The following NIM1K variants were observed in gnomAD, a reference collection of about 807,000 sequenced individuals.
The protein encoded by NIM1K is NIM1 serine/threonine protein kinase, also known as serine/threonine-protein kinase NIM1.
A neutral mutation model predicts 37.1 loss-of-function variants in NIM1K; 35 were observed. The ratio of observed to expected loss-of-function variants is 0.94; its 90% CI spans 0.72 to 1.25. The LOEUF is 1.25. Ranked by LOEUF, NIM1K falls within the 50% of genes most tolerant of loss-of-function variation. The pLI is 0.00. For missense variants in NIM1K, 564 were observed against 548.0 expected (o/e 1.03, Z -0.29); for synonymous variants, 234 against 206.6 (o/e 1.13, Z -1.14).
chr5:43,244,117 G>A (rs185634744), intron 1 of NIM1K, among the ~76,000 whole-genome samples: 129 of 152,212 alleles, frequency 8.5e-4, no homozygotes, highest in African/African-American at 3.0e-3. Flanking sequence ...TATAAGCTTA[G>A]GAAGCCTTAT....
intron 1 of NIM1K, chr5:43,207,291 G>A: frequency 1.3e-6 from 1 of 761,054 alleles, no homozygotes; most frequent in South Asian, 1.3e-5. Context: ...GAGAGAGATG[G>A]GGGCATATTG....
At chr5:43,198,364 C>G (rs575147067) in intron 1 of NIM1K, among the ~76,000 whole-genome samples, 11 of 149,328 alleles carry the variant, frequency 7.4e-5, no homozygotes, top group Non-Finnish European at 1.3e-4. Context: ...GTCTTGCTCT[C>G]TCTCTCTCCC....
At chr5:43,209,072 T>A (rs1356263135) in intron 1 of NIM1K, among the ~76,000 whole-genome samples, 1 of 152,206 alleles carries the variant, frequency 6.6e-6, no homozygotes. Flanking sequence ...TAAATTCTGC[T>A]GGAAGCGACT....
At chr5:43,271,869 C>A (rs189943783) in intron 2 of NIM1K, among the ~76,000 whole-genome samples, 1 of 152,298 alleles carries the variant, frequency 6.6e-6, no homozygotes, top group Admixed American at 6.5e-5. Flanking sequence ...CTAATCCGTT[C>A]TCCATTTCTA....
Position 43,268,388 on chromosome 5 carries a change from G to A in NIM1K, c.293-8669G>A, listed in dbSNP as rs377151153. Among the ~76,000 whole-genome samples, 51 of 152,224 alleles carry A rather than the reference G, an allele frequency of 3.4e-4. No homozygotes were observed. The South Asian group carries it at 0.011, about 32-fold the overall frequency. Reference sequence around the variant, plus strand: ...AGGGGTTTTTCAAAGGCAGTTTTGGGGAAGGGATTGGGCTGACCAGACCAG... The same window carrying A: ...AGGGGTTTTTCAAAGGCAGTTTTGGAGAAGGGATTGGGCTGACCAGACCAG... On this transcript the variant is annotated intron_variant, in intron 2 of 3. Coordinates refer to ENST00000326035, the MANE Select transcript of NIM1K (RefSeq NM_153361.4).
chr5:43,214,264 A>C lies in NIM1K; in HGVS notation c.-695+21853A>C, dbSNP rs73751055. ...GATATATGCATATTTTTAGCCCTTA[A>C]ACCAAGAAAATCTCTGTTGTAATTA... On this transcript the variant is annotated intron_variant, in intron 1 of 3. Transcript: ENST00000326035. Among the ~76,000 whole-genome samples the C allele has an allele frequency of 2.9e-3, 444 of 152,168 alleles. 4 individuals are homozygous for C. Among genetic ancestry groups the C allele is most frequent in the African/African-American group, 0.01 (427 of 41,526 alleles).
At chr5:43,262,011 G>A (rs1031607188) in intron 2 of NIM1K, among the ~76,000 whole-genome samples, 1 of 152,138 alleles carries the variant, frequency 6.6e-6, no homozygotes, top group African/African-American at 2.4e-5. Flanking sequence ...GGTTACTGTA[G>A]CCTTGTAGTA....
At chr5:43,229,930 C>T (rs575296944) in intron 1 of NIM1K, among the ~76,000 whole-genome samples, 2 of 151,588 alleles carry the variant, frequency 1.3e-5, no homozygotes, top group African/African-American at 4.9e-5. Context: ...CCAAGCCCAG[C>T]CTAATTTTAG....
chr5:43,250,104 G>A (rs928172142), intron 2 of NIM1K, among the ~76,000 whole-genome samples: 3 of 151,724 alleles, frequency 2.0e-5, no homozygotes, highest in Non-Finnish European at 2.9e-5. Context: ...TGCCCGCCTC[G>A]GCCTCCCAAA....
chr5:43,270,730 G>C (rs1753243541), intron 2 of NIM1K, among the ~76,000 whole-genome samples: 1 of 152,190 alleles, frequency 6.6e-6, no homozygotes, highest in South Asian at 2.1e-4. Context: ...AGAGTAGTGG[G>C]AAGCTGGATT....
chr5:43,197,365 G>T (rs1241201008), intron 1 of NIM1K, among the ~76,000 whole-genome samples: 1 of 146,116 alleles, frequency 6.8e-6, no homozygotes, highest in East Asian at 2.1e-4. Flanking sequence ...GGCTGGTCTT[G>T]AACTCCTGGC....
intron 2 of NIM1K, among the ~76,000 whole-genome samples, chr5:43,267,850 A>T (rs11749650): frequency 0.24 from 36,846 of 152,142 alleles, 5,081 homozygotes; most frequent in Middle Eastern, 0.43. Flanking sequence ...AATTATTGAT[A>T]CTTGTTTTGT....
intron 1 of NIM1K, among the ~76,000 whole-genome samples, chr5:43,243,279 C>A (rs1410130250): frequency 2.6e-5 from 4 of 152,138 alleles, no homozygotes; most frequent in Non-Finnish European, 5.9e-5. Context: ...TTAGGTTAAG[C>A]TAAAGTTTCT....
intron 1 of NIM1K, among the ~76,000 whole-genome samples, chr5:43,220,921 G>A (rs1752372225): frequency 6.6e-6 from 1 of 152,152 alleles, no homozygotes; most frequent in African/African-American, 2.4e-5. Context: ...GCATAGGGCG[G>A]TCATGATAAG....
intron 2 of NIM1K, among the ~76,000 whole-genome samples, chr5:43,265,140 C>T (rs983236397): frequency 2.0e-4 from 30 of 152,284 alleles, no homozygotes; most frequent in African/African-American, 5.8e-4. Flanking sequence ...GTTCTCTGCA[C>T]TTCCTGAATT....
intron 2 of NIM1K, among the ~76,000 whole-genome samples, chr5:43,258,601 C>T (rs113333215): frequency 1.3e-5 from 2 of 152,162 alleles, no homozygotes; most frequent in African/African-American, 4.8e-5. Flanking sequence ...GCCATCATGC[C>T]TGGCTAATTT....
intron 1 of NIM1K, among the ~76,000 whole-genome samples, chr5:43,211,175 A>G (rs1752199311): frequency 6.6e-6 from 1 of 152,198 alleles, no homozygotes; most frequent in Non-Finnish European, 1.5e-5. Context: ...CTTTCTCAAA[A>G]AAGAAAAAGA....
rs1459258183 is a variant in NIM1K at position 43,232,607 on chromosome 5, G to A, written c.-694-12475G>A. On this transcript the variant is annotated intron_variant, in intron 1 of 3. Coordinates refer to ENST00000326035, the MANE Select transcript of NIM1K (RefSeq NM_153361.4). ...TGCTCCAGGGTGGTGTGGGAGGTGA[G>A]GATGGAGTTGTAGGGCTCAACTACA... 3 of 1,563,250 alleles carry A rather than the reference G, an allele frequency of 1.9e-6. No homozygotes were observed. The African/African-American group carries it at 4.1e-5, about 21-fold the overall frequency.
intron 1 of NIM1K, chr5:43,206,612 C>A: frequency 1.6e-6 from 1 of 629,806 alleles, no homozygotes; most frequent in Non-Finnish European, 2.9e-6. Flanking sequence ...TAGTCCTGGC[C>A]TCCCTGGTGC....
Sources: gnomAD v4.1 joint callset for allele counts (sites outside exome capture counted in the v4.1 genomes callset) on GRCh38, gnomAD v4.1.1 for gene constraint, MANE v1.5 for transcripts, NCBI Gene and HGNC (gene_info 2026-07-23, HGNC 2026-07-21) for gene names.